Variants in PACS2 observed in about 807,000 individuals in gnomAD.
The protein encoded by PACS2 is PACS1-like protein.
A neutral mutation model predicts 113.0 loss-of-function variants in PACS2; 36 were observed. That is an observed-to-expected ratio of 0.32 (90% CI 0.24 to 0.42). The LOEUF is 0.42. Ranked by LOEUF, PACS2 falls within the 10% of genes least tolerant of loss-of-function variation. The pLI, the probability that PACS2 is intolerant of heterozygous loss-of-function variation, is 1.00. For missense variants in PACS2, 1,015 were observed against 1,239.5 expected, an observed-to-expected ratio of 0.82 and a Z score of 2.72; for synonymous variants, 589 against 536.1, an observed-to-expected ratio of 1.10 and a Z score of -1.36.
intron 2 of PACS2, among the ~76,000 whole-genome samples, chr14:105,349,690 C>G (rs1555403459): frequency 6.6e-6 from 1 of 152,278 alleles, no homozygotes; most frequent in African/African-American, 2.4e-5. Flanking sequence ...CTGGAGAAAC[C>G]CTTTTCCTCG....
chr14:105,359,760 T>C (rs1257915562), intron 4 of PACS2, among the ~76,000 whole-genome samples: 1 of 151,764 alleles, frequency 6.6e-6, no homozygotes, highest in Non-Finnish European at 1.5e-5. Flanking sequence ...CCTGGCTAAT[T>C]TTCTGTATTT....
intron 4 of PACS2, among the ~76,000 whole-genome samples, chr14:105,362,866 T>C (rs782364877): frequency 5.3e-5 from 8 of 152,036 alleles, no homozygotes; most frequent in Non-Finnish European, 8.8e-5. Context: ...ATAATAAGAC[T>C]TGAAAGTTGA....
intron 1 of PACS2, among the ~76,000 whole-genome samples, chr14:105,331,942 G>A (rs1000935416): frequency 1.3e-5 from 2 of 152,198 alleles, no homozygotes; most frequent in Non-Finnish European, 2.9e-5. Flanking sequence ...GTACTTTGAC[G>A]ATTGTTTTAT....
chr14:105,315,716 A>G lies in PACS2; in HGVS notation c.119+679A>G, dbSNP rs2058577284. 2 of 152,312 alleles carry G rather than the reference A, an allele frequency of 1.3e-5. No individual in the cohort carries two copies. Among genetic ancestry groups the G allele is most frequent in the Non-Finnish European group, 2.9e-5 (2 of 68,072 alleles). The allele number at this position is 152,312 out of a possible 1,614,324, so 9.4% of individuals were successfully genotyped here. Reference sequence around the variant, plus strand: ...ATTGGACAGGGTTTACCCTCCGGCCATAGCCCAGCCTTCCTTGGACTTGCA... The same window carrying G: ...ATTGGACAGGGTTTACCCTCCGGCCGTAGCCCAGCCTTCCTTGGACTTGCA... On this transcript the variant is annotated intron_variant, in intron 1 of 24. Coordinates refer to ENST00000447393, the MANE Select transcript of PACS2 (RefSeq NM_001100913.3). This position sits in a 1 kb window ranked among gnomAD's most constrained non-coding sequence, Gnocchi z 4.4.
rs995771829 is a variant in PACS2 at position 105,384,880 on chromosome 14, A to G, written c.1893A>G (p.Val631=). 1 of 1,571,948 alleles carries G rather than the reference A, an allele frequency of 6.4e-7. No homozygotes were observed. The highest frequency in any genetic ancestry group is 8.7e-7 in the Non-Finnish European group (1 of 1,155,860). The change falls in exon 18 of 25, where the codon GTA becomes GTG. Residue 631 remains valine (V), a splice_region_variant and synonymous_variant. Transcript: ENST00000447393. Reference sequence around the variant, plus strand: ...CCCCACCGCCTCCTCCCCCTGCAGTACAGGACACGCCAGACATTGTGTCAC... The same window carrying G: ...CCCCACCGCCTCCTCCCCCTGCAGTGCAGGACACGCCAGACATTGTGTCAC... The part of the protein sequence containing the change: ...LFNKLEAQSA[V]QDTPDIVSRI...
chr14:105,385,065 T>C, intron 18 of PACS2, 78 bp downstream of exon 18: 1 of 945,954 alleles, frequency 1.1e-6, no homozygotes, highest in Non-Finnish European at 1.7e-6. Flanking sequence ...CACCCGCTGC[T>C]GGGCTTGGCC....
Position 105,394,573 on chromosome 14 carries a change from G to C in PACS2, c.2616G>C (p.Glu872Asp). 6.2e-7 allele frequency: 1 copy of C among 1,613,040 alleles called. No homozygotes were observed. The highest frequency in any genetic ancestry group is 8.5e-7 in the Non-Finnish European group (1 of 1,179,830). Residue 872 changes from glutamate (E) to aspartate (D), a missense_variant, in exon 25 of 25, where the codon GAG becomes GAC. Glu to Asp is a conservative substitution (Grantham distance 45). Coordinates refer to ENST00000447393, the MANE Select transcript of PACS2 (RefSeq NM_001100913.3). ...CCACAGTCCTCATCGACGGCGTGGA[G>C]TGCAGCGACGTCAAGTTCTTCCAGC... ...NMLRVLIDGV[E>D]CSDVKFFQLA...
At chr14:105,314,682 C>G (rs1418446443), upstream of PACS2, 1 of 142,886 alleles carries the variant, frequency 7.0e-6, no homozygotes, top group Non-Finnish European at 1.5e-5. Context: ...GCGCCGGGCG[C>G]GCGCGGGGCG....
chr14:105,338,064 C>T (rs2059591102), intron 1 of PACS2, among the ~76,000 whole-genome samples: 1 of 152,240 alleles, frequency 6.6e-6, no homozygotes, highest in African/African-American at 2.4e-5. Context: ...GCCCCGCCCC[C>T]ATCTGAGGCT....
rs1048128011 is a variant in PACS2 at position 105,348,441 on chromosome 14, C to T, written c.120-52C>T. On this transcript the variant is annotated intron_variant, in intron 1 of 24. Transcript: ENST00000447393. The surrounding 1 kb of genome is among the most constrained non-coding windows in gnomAD (Gnocchi z 6.4). Reference sequence around the variant, plus strand: ...ACAGTGCTGGGACGGCACAGGGCCGCGTCCTGAGGAGAGGGCGGAGCCCCG... The same window carrying T: ...ACAGTGCTGGGACGGCACAGGGCCGTGTCCTGAGGAGAGGGCGGAGCCCCG... 1.1e-5 allele frequency: 15 copies of T among 1,399,742 alleles called. No individual in the cohort carries two copies. In the Admixed American group the frequency reaches 1.2e-4, roughly 11 times the overall value. 86.7% of individuals were successfully genotyped at this position (1,399,742 alleles called of 1,614,324 possible). A position where few individuals can be genotyped will look rare whatever the true frequency, so the allele number is the denominator to read the frequency against.
intron 1 of PACS2, among the ~76,000 whole-genome samples, chr14:105,346,057 C>T (rs781990580): frequency 4.6e-5 from 7 of 152,304 alleles, no homozygotes; most frequent in South Asian, 2.1e-4. Context: ...CAAACACTGA[C>T]GGGCGACAGT....
intron 8 of PACS2, 149 bp downstream of exon 8, chr14:105,370,049 G>A (rs962818635): frequency 2.2e-5 from 15 of 683,090 alleles, no homozygotes; most frequent in Non-Finnish European, 3.2e-5. Context: ...TCTGCGAGGC[G>A]CAGTGACAGT....
In PACS2 at chr14:105,395,868, T is replaced by A. The variant is rs1276755474; in HGVS notation, c.*1196T>A. ...CTGCTTCTCCCCAGTAAGCCTGCAC[T>A]GTGGGGTCTCCATAGGAGGAGCTGG... On this transcript the variant is annotated 3_prime_UTR_variant, in exon 25 of 25. Coordinates refer to ENST00000447393, the MANE Select transcript of PACS2 (RefSeq NM_001100913.3). The A allele has an allele frequency of 4.6e-5, 7 of 152,322 alleles. No homozygotes were observed. The allele number at this position is 152,322 out of a possible 1,614,324, so 9.4% of individuals were successfully genotyped here. A position where few individuals can be genotyped will look rare whatever the true frequency, so the allele number is the denominator to read the frequency against.
chr14:105,359,433 G>A (rs782109903), intron 4 of PACS2, among the ~76,000 whole-genome samples: 14 of 151,276 alleles, frequency 9.3e-5, no homozygotes, highest in African/African-American at 1.5e-4. Flanking sequence ...TCCGCCTCCC[G>A]AGTGGTTGGG....
upstream of PACS2, among the ~76,000 whole-genome samples, chr14:105,313,580 A>G (rs1293110509): frequency 6.6e-6 from 1 of 152,256 alleles, no homozygotes; most frequent in Admixed American, 6.5e-5. Context: ...CAACGGAGGA[A>G]GCAGCGGCAT....
At chr14:105,333,402 G>T (rs974723761) in intron 1 of PACS2, among the ~76,000 whole-genome samples, 2 of 152,250 alleles carry the variant, frequency 1.3e-5, no homozygotes, top group African/African-American at 4.8e-5. Flanking sequence ...TGCAGCACAG[G>T]CCGGCCAGTC....
At chr14:105,310,052 G>A (rs928822433), upstream of PACS2, among the ~76,000 whole-genome samples, 1 of 151,564 alleles carries the variant, frequency 6.6e-6, no homozygotes, top group Admixed American at 6.6e-5. Flanking sequence ...CCAAAGTGCT[G>A]GGATTACAGG....
In PACS2 at chr14:105,323,442, C is replaced by G. The variant is rs958387081; in HGVS notation, c.119+8405C>G. ...ATGTTGCCTACTGACCGCTGCCAGC[C>G]TGCACGAGACTCTCACGGCGGGACC... On this transcript the variant is annotated intron_variant, in intron 1 of 24. Coordinates refer to ENST00000447393, the MANE Select transcript of PACS2 (RefSeq NM_001100913.3). This position sits in a 1 kb window ranked among gnomAD's most constrained non-coding sequence, Gnocchi z 4.1. Among the ~76,000 whole-genome samples the G allele has an allele frequency of 3.3e-5, 5 of 152,220 alleles. No individual in the cohort carries two copies. The highest frequency in any genetic ancestry group is 9.6e-5 in the African/African-American group (4 of 41,452).
chr14:105,393,278 A>G lies in PACS2; in HGVS notation c.2539A>G (p.Ile847Val). ...GGACGTGGAGTCTAAGAGCCAGTGC[A>G]TTGAGGGCATCAGCCGGCTCATCTG... ...DKDVESKSQCIEGISRLICTA... is the reference protein window; with the variant it reads ...DKDVESKSQCVEGISRLICTA... The change falls in exon 24 of 25, where the codon ATT (isoleucine) becomes GTT (valine). Residue 847 changes from isoleucine (I) to valine (V), a missense_variant. Around this residue, in one of 3 missense-constraint regions of PACS2, gnomAD observed 859 missense variants for 1,056.8 expected, o/e 0.81. Transcript: ENST00000447393. The G allele has an allele frequency of 6.2e-7, 1 of 1,612,858 alleles. No individual in the cohort carries two copies. The highest frequency in any genetic ancestry group is 8.5e-7 in the Non-Finnish European group (1 of 1,179,976).
Sources: gnomAD v4.1 joint callset for allele counts (sites outside exome capture counted in the v4.1 genomes callset) on GRCh38, gnomAD v4.1.1 for gene constraint, gnomAD v4.1.1 regional missense constraint, Gnocchi (gnomAD v3.1) non-coding constraint, MANE v1.5 for transcripts, NCBI Gene and HGNC (gene_info 2026-07-23, HGNC 2026-07-21) for gene names.